Variants in SETX observed in about 807,000 individuals in gnomAD.
The protein encoded by SETX is helicase senataxin.
Under a neutral mutation model 227.2 loss-of-function variants are expected in SETX, and 90 were observed. The observed-to-expected ratio is 0.40, with a 90% confidence interval of 0.33 to 0.47. The LOEUF is 0.47. Among genes scored for constraint, SETX ranks in the 20% least tolerant of loss-of-function variants. The pLI is 0.91. For missense variants in SETX, 3,052 were observed against 3,181.5 expected (o/e 0.96, Z 0.98); for synonymous variants, 1,210 against 1,113.2 (o/e 1.09, Z -1.73).
chr9:132,345,606 G>A (rs1848243375), intron 4 of SETX, among the ~76,000 whole-genome samples: 1 of 152,118 alleles, frequency 6.6e-6, no homozygotes, highest in Admixed American at 6.5e-5. Flanking sequence ...GAACAAAGAG[G>A]TGAACAGATA....
chr9:132,277,173 T>C lies in SETX; in HGVS notation c.6843-21A>G, dbSNP rs779223718. 5 of 1,550,516 alleles carry C rather than the reference T, an allele frequency of 3.2e-6. No individual in the cohort carries two copies. In the South Asian group the frequency reaches 5.6e-5, roughly 17 times the overall value. ...TCTGTCTGTAAAAAAAAAAAAGCAG[T>C]CAACATTCAGAATAAAGTCAAGATT... is the stretch of plus-strand genomic sequence containing the variant. On this transcript the variant is annotated intron_variant, in intron 21 of 25. Transcript: ENST00000224140.
At chr9:132,302,320 G>A (rs1845043730) in intron 11 of SETX, among the ~76,000 whole-genome samples, 1 of 129,028 alleles carries the variant, frequency 7.8e-6, no homozygotes, top group African/African-American at 3.0e-5. Context: ...TCACACCACT[G>A]CACTCCAGCC....
intron 11 of SETX, among the ~76,000 whole-genome samples, chr9:132,302,662 AAAAAAAAAAAAAAAAAAGC>A (rs1250480635): frequency 2.9e-4 from 30 of 103,172 alleles, no homozygotes; most frequent in Admixed American, 9.6e-4. Flanking sequence ...CTTTGTCTCA[AAAAAAAAAAAAAAAAAAGC>A]AAAAAAAAAA....
Position 132,329,739 on chromosome 9 carries a change from T to C in SETX, c.1859A>G (p.Asn620Ser), listed in dbSNP as rs771149250. The C allele has an allele frequency of 6.2e-7, 1 of 1,614,152 alleles. No homozygotes were observed. The highest frequency in any genetic ancestry group is 1.1e-5 in the South Asian group (1 of 91,082). Reference sequence around the variant, plus strand: ...CCCCATTTGTTCACTTTCTTCTTTATTATAAGATGCAGGAGAGATTTTACA... The same window carrying C: ...CCCCATTTGTTCACTTTCTTCTTTACTATAAGATGCAGGAGAGATTTTACA... ...SACKISPASY[N>S]KEESEQMGKT... The change falls in exon 10 of 26, where the codon AAT (asparagine) becomes AGT (serine). Residue 620 changes from asparagine to serine, a missense_variant. Asn to Ser is a conservative substitution (Grantham distance 46). This residue lies in a region of SETX where 1,483 missense variants were observed against 1,312.0 expected (regional missense o/e 1.13). Coordinates refer to ENST00000224140, the MANE Select transcript of SETX (RefSeq NM_015046.7).
chr9:132,264,305 G>C lies in SETX; in HGVS notation c.7968C>G (p.Asn2656Lys), dbSNP rs749249685. ...CCAGTGTCCTCTTGTCCCACCTAGA[G>C]TTCCTCCTGGTGTGATGGGTCTCGG... Reference protein sequence around the residue: ...CGSETHHTRRNSRWDKRTLEQ... With the variant: ...CGSETHHTRRKSRWDKRTLEQ... The change falls in exon 26 of 26, where the codon AAC (asparagine) becomes AAG (lysine). Residue 2656 changes from asparagine (N) to lysine (K), a missense_variant. By Grantham distance (94) the Asn-to-Lys change is moderately conservative. Transcript: ENST00000224140. The C allele has an allele frequency of 1.9e-6, 3 of 1,614,070 alleles. No individual in the cohort carries two copies. The African/African-American group carries it at 4.0e-5, about 22-fold the overall frequency.
At position 132,329,046 on chromosome 9, in the gene SETX, T is replaced by A. The variant is rs375242350; in HGVS notation, c.2552A>T (p.Asp851Val). 1 of 1,608,988 alleles carries A rather than the reference T, an allele frequency of 6.2e-7. No individual in the cohort carries two copies. Among genetic ancestry groups the A allele is most frequent in the Non-Finnish European group, 8.5e-7 (1 of 1,178,450 alleles). Residue 851 changes from aspartate (D) to valine (V), a missense_variant, in exon 10 of 26, where the codon GAT becomes GTT. Physicochemically the swap from Asp to Val is radical, Grantham distance 152. Coordinates refer to ENST00000224140, the MANE Select transcript of SETX (RefSeq NM_015046.7). ...TTGAGATTTTTGTTCTCCATTCTTA[T>A]CATCCAGAACACCACTAGGGTCTAA... The part of the protein sequence containing the change: ...LSLDPSGVLD[D>V]KNGEQKSQNN...
At position 132,262,863 on chromosome 9, in the gene SETX, A is replaced by G. The variant is rs1435090801; in HGVS notation, c.*1376T>C. ...CCCCAAATGAGATATGGGGCTGCAC[A>G]GCATTCACTACAGATCCCTAGTTTT... On this transcript the variant is annotated 3_prime_UTR_variant, in exon 26 of 26. Transcript: ENST00000224140. 6.6e-6 allele frequency: 1 copy of G among 152,228 alleles called. No homozygotes were observed. Among genetic ancestry groups the G allele is most frequent in the Non-Finnish European group, 1.5e-5 (1 of 68,030 alleles). The allele number at this position is 152,228 out of a possible 1,614,324, so 9.4% of individuals were successfully genotyped here.
intron 7 of SETX, among the ~76,000 whole-genome samples, chr9:132,333,396 A>T (rs1847372553): frequency 2.4e-5 from 1 of 41,030 alleles, no homozygotes; most frequent in African/African-American, 1.1e-4. Flanking sequence ...AAAAAAAAAA[A>T]AGAAAAAAAA....
chr9:132,281,818 C>G (rs1006773285), intron 19 of SETX, among the ~76,000 whole-genome samples: 5 of 152,060 alleles, frequency 3.3e-5, no homozygotes, highest in Non-Finnish European at 7.4e-5. Flanking sequence ...GTGGGTGGAT[C>G]ACCTGAGGTC....
At position 132,304,644 on chromosome 9, in the gene SETX, A is replaced by AG. The variant is rs1554814544; in HGVS notation, c.5375-3842_5375-3841insC. Among the ~76,000 whole-genome samples the AG allele has an allele frequency of 9.4e-4, 143 of 151,852 alleles. 1 individual carries two copies. Among genetic ancestry groups the AG allele is most frequent in the Middle Eastern group, 3.4e-3 (1 of 294 alleles). On this transcript the variant is annotated intron_variant, in intron 11 of 25. Coordinates refer to ENST00000224140, the MANE Select transcript of SETX (RefSeq NM_015046.7). ...CAAGACCCTGTTTCAAAAAAAAAAA[A>AG]AAAGAAAGAAAGAAAAGAAAAAGAA...
intron 6 of SETX, among the ~76,000 whole-genome samples, 174 bp downstream of exon 6, chr9:132,336,122 A>T (rs963808248): frequency 6.6e-6 from 1 of 152,190 alleles, no homozygotes; most frequent in Non-Finnish European, 1.5e-5. Context: ...GTTTGCCTGT[A>T]ATCACAGCTA....
chr9:132,277,265 G>A, intron 21 of SETX, 113 bp from the exon 22 acceptor site: 1 of 830,858 alleles, frequency 1.2e-6, no homozygotes, highest in Non-Finnish European at 2.0e-6. Context: ...CAAGTAAGGG[G>A]ATAGCAGGAA....
intron 10 of SETX, among the ~76,000 whole-genome samples, chr9:132,325,749 A>G (rs959946039): frequency 1.1e-4 from 17 of 151,966 alleles, no homozygotes; most frequent in Non-Finnish European, 2.4e-4. Context: ...CCTGACCAAC[A>G]TGGTGAAACC....
At position 132,327,678 on chromosome 9, in the gene SETX, A is replaced by C. The variant is rs766134511; in HGVS notation, c.3920T>G (p.Val1307Gly). Residue 1307 changes from valine to glycine, a missense_variant, in exon 10 of 26, where the codon GTA becomes GGA. By Grantham distance (109) the Val-to-Gly change is moderately radical. Around this residue, in one of 10 missense-constraint regions of SETX, gnomAD observed 1,483 missense variants for 1,312.0 expected, o/e 1.13. Transcript: ENST00000224140. ...YELSQRSLDY[V>G]AQLRDHGKTV... ...TTTGCCATGATCACGTAATTGAGCT[A>C]CATAATCCAAAGACCGCTGGGACAA... 2.5e-6 allele frequency: 4 copies of C among 1,613,948 alleles called. No individual in the cohort carries two copies. The highest frequency in any genetic ancestry group is 3.4e-6 in the Non-Finnish European group (4 of 1,179,964).
chr9:132,297,651 A>C (rs1046065748), intron 13 of SETX, among the ~76,000 whole-genome samples: 3 of 152,238 alleles, frequency 2.0e-5, no homozygotes. Context: ...TAGAGTTTCT[A>C]AATAGTTAGT....
intron 10 of SETX, among the ~76,000 whole-genome samples, chr9:132,313,460 T>A (rs1029092558): frequency 5.3e-5 from 8 of 152,172 alleles, no homozygotes; most frequent in African/African-American, 1.9e-4. Flanking sequence ...GTGGATCTCT[T>A]ATAGTCAAGC....
In SETX at chr9:132,300,642, G is replaced by A. The variant is rs551406712; in HGVS notation, c.5536C>T (p.Arg1846Cys). 5.9e-5 allele frequency: 96 copies of A among 1,613,452 alleles called. No individual in the cohort carries two copies. In the East Asian group the frequency reaches 1.8e-3, roughly 30 times the overall value. The change falls in exon 12 of 26, where the codon CGC becomes TGC. Residue 1846 changes from arginine to cysteine, a missense_variant. Physicochemically the swap from Arg to Cys is radical, Grantham distance 180. Coordinates refer to ENST00000224140, the MANE Select transcript of SETX (RefSeq NM_015046.7). ...ATTATTTACTTACTGACTGACGTGC[G>A]GCGAAATTTATGAACATAACCAGAA... Reference protein sequence around the residue: ...YHSGYVHKFRRTSVMRNGKTE... With the variant: ...YHSGYVHKFRCTSVMRNGKTE...
At chr9:132,288,199 G>C in intron 17 of SETX, 37 bp downstream of exon 17, 1 of 1,539,930 alleles carries the variant, frequency 6.5e-7, no homozygotes. Context: ...TAACTAGTTC[G>C]TATACCTGAG....
At chr9:132,338,095 T>TC (rs1232144299) in intron 5 of SETX, among the ~76,000 whole-genome samples, 2 of 149,736 alleles carry the variant, frequency 1.3e-5, no homozygotes, top group Non-Finnish European at 3.0e-5. Flanking sequence ...ACACTCTTTT[T>TC]TTTTTTTTTT....
Sources: gnomAD v4.1 joint callset for allele counts (sites outside exome capture counted in the v4.1 genomes callset) on GRCh38, gnomAD v4.1.1 for gene constraint, gnomAD v4.1.1 regional missense constraint, MANE v1.5 for transcripts, NCBI Gene and HGNC (gene_info 2026-07-23, HGNC 2026-07-21) for gene names.